The following CCDC125 variants were observed in gnomAD, a reference collection of about 807,000 sequenced individuals.
The protein encoded by CCDC125 is coiled-coil domain-containing protein 125.
CCDC125 carries 43 observed loss-of-function variants against 57.4 expected under a neutral mutation model. That is an observed-to-expected ratio of 0.75 (90% CI 0.59 to 0.97). The LOEUF is 0.97. Ranked by LOEUF, CCDC125 falls within the 50% of genes least tolerant of loss-of-function variation. The pLI, the probability that CCDC125 is intolerant of heterozygous loss-of-function variation, is 0.00. For synonymous variants in CCDC125, 187 were observed against 195.2 expected (o/e 0.96, Z 0.35); for missense variants, 563 against 595.7 (o/e 0.95, Z 0.57).
chr5:69,301,135 G>C (rs911798024), intron 7 of CCDC125, among the ~76,000 whole-genome samples: 3 of 150,114 alleles, frequency 2.0e-5, no homozygotes, highest in Non-Finnish European at 4.4e-5. Flanking sequence ...ACCATGCCTG[G>C]CTAATTTTTG....
At chr5:69,308,924 T>C (rs1419063670) in intron 4 of CCDC125, 2 of 154,308 alleles carry the variant, frequency 1.3e-5, no homozygotes, top group Admixed American at 1.3e-4. Context: ...AAGGTGACTC[T>C]TGTTATGTTT....
intron 1 of CCDC125, among the ~76,000 whole-genome samples, chr5:69,321,624 G>A (rs925010170): frequency 1.3e-5 from 2 of 152,112 alleles, no homozygotes; most frequent in African/African-American, 4.8e-5. Flanking sequence ...CATAGAAAAG[G>A]AACAGTAAAA....
chr5:69,315,350 G>A (rs1439749293), intron 2 of CCDC125, among the ~76,000 whole-genome samples: 1 of 149,088 alleles, frequency 6.7e-6, no homozygotes, highest in East Asian at 2.0e-4. Flanking sequence ...ATCACCTGAG[G>A]TCAGGAGTTT....
chr5:69,308,416 G>A (rs1425857379), intron 4 of CCDC125: 1 of 241,520 alleles, frequency 4.1e-6, no homozygotes, highest in Non-Finnish European at 8.3e-6. Context: ...CATGGGGGTG[G>A]TTTTCCCCAT....
chr5:69,283,170 AT>A, intron 11 of CCDC125, 136 bp from the exon 12 acceptor site: 1 of 635,596 alleles, frequency 1.6e-6, no homozygotes, highest in Non-Finnish European at 2.6e-6. Context: ...GTATGAATAA[AT>A]TAGGTATCAC....
intron 11 of CCDC125, among the ~76,000 whole-genome samples, chr5:69,284,530 G>A (rs1338424165): frequency 1.3e-5 from 2 of 152,104 alleles, no homozygotes; most frequent in Non-Finnish European, 2.9e-5. Flanking sequence ...AACTACAGGA[G>A]CCCCCTGTTT....
At chr5:69,326,817 AAAG>A (rs150770681) in intron 1 of CCDC125, among the ~76,000 whole-genome samples, 1,856 of 152,120 alleles carry the variant, frequency 0.012, 42 homozygotes, top group African/African-American at 0.043. Context: ...TTGTGAGGCC[AAAG>A]AAGGAGGACT....
intron 1 of CCDC125, among the ~76,000 whole-genome samples, chr5:69,331,476 C>A (rs1761416527): frequency 6.6e-6 from 1 of 151,950 alleles, no homozygotes; most frequent in African/African-American, 2.4e-5. Flanking sequence ...AGGAGATCTG[C>A]TCACCGGTCT....
At chr5:69,277,769 CA>C (rs200595059), downstream of CCDC125, among the ~76,000 whole-genome samples, 202 of 131,068 alleles carry the variant, frequency 1.5e-3, no homozygotes, top group East Asian at 1.4e-3. Flanking sequence ...GACACAGTCT[CA>C]AAAAAAAAAA....
chr5:69,315,816 A>G (rs891803169), intron 2 of CCDC125, among the ~76,000 whole-genome samples: 1 of 151,634 alleles, frequency 6.6e-6, no homozygotes, highest in Admixed American at 6.6e-5. Flanking sequence ...TTCTTTCCAA[A>G]AAGAATGACT....
At chr5:69,320,085 T>C (rs1759777905) in intron 2 of CCDC125, 152 bp downstream of exon 2, 2 of 751,716 alleles carry the variant, frequency 2.7e-6, no homozygotes, top group Admixed American at 2.7e-5. Context: ...CGCGTGCCAC[T>C]GCACTCCAGC....
At chr5:69,326,161 A>G (rs1760712579) in intron 1 of CCDC125, among the ~76,000 whole-genome samples, 1 of 152,186 alleles carries the variant, frequency 6.6e-6, no homozygotes, top group African/African-American at 2.4e-5. Flanking sequence ...TAATCCAGAT[A>G]TCTGATGTCA....
rs576811761 is a variant in CCDC125 at position 69,328,943 on chromosome 5, G to A, written c.-41+3706C>T. ...TGAGTAGCTGGGACTACAGGTGTCC[G>A]CCACCACGCCCGGCTAATTTTTTGT... On this transcript the variant is annotated intron_variant, in intron 1 of 11. Transcript: ENST00000396496. 1.1e-3 allele frequency among the ~76,000 whole-genome samples: 164 copies of A among 148,396 alleles called. 2 individuals are homozygous for A. Among genetic ancestry groups the A allele is most frequent in the Non-Finnish European group, 1.4e-3 (93 of 66,384 alleles).
intron 1 of CCDC125, among the ~76,000 whole-genome samples, chr5:69,325,921 G>A (rs1356153441): frequency 6.7e-6 from 1 of 149,920 alleles, no homozygotes; most frequent in African/African-American, 2.4e-5. Context: ...ACAGCTCACT[G>A]CAGCCTCGAC....
chr5:69,277,191 T>A, downstream of CCDC125: 1 of 1,321,742 alleles, frequency 7.6e-7, no homozygotes, highest in Non-Finnish European at 1.1e-6. Context: ...AGGCAAATAA[T>A]GGAAAAATAG....
At chr5:69,285,216 A>C in intron 11 of CCDC125, 121 bp downstream of exon 11, 1 of 823,620 alleles carries the variant, frequency 1.2e-6, no homozygotes, top group Non-Finnish European at 1.9e-6. Context: ...TGTTTTAAGA[A>C]AGTTTACGAA....
intron 1 of CCDC125, among the ~76,000 whole-genome samples, chr5:69,326,558 A>C (rs1210454336): frequency 1.3e-5 from 2 of 152,156 alleles, no homozygotes; most frequent in African/African-American, 4.8e-5. Context: ...GGCAGCAGAG[A>C]AGAAAATGGA....
At chr5:69,279,574 C>A (rs1752371217), downstream of CCDC125, among the ~76,000 whole-genome samples, 1 of 152,146 alleles carries the variant, frequency 6.6e-6, no homozygotes, top group African/African-American at 2.4e-5. Flanking sequence ...CAGGGCCTCT[C>A]TCAGCTTCTT....
intron 5 of CCDC125, 49 bp downstream of exon 5, chr5:69,307,902 T>C: frequency 1.4e-6 from 2 of 1,421,232 alleles, no homozygotes; most frequent in Non-Finnish European, 2.0e-6. Context: ...GGAAATTATA[T>C]TTAACAGCTT....
Sources: gnomAD v4.1 joint callset for allele counts (sites outside exome capture counted in the v4.1 genomes callset) on GRCh38, gnomAD v4.1.1 for gene constraint, MANE v1.5 for transcripts, NCBI Gene and HGNC (gene_info 2026-07-23, HGNC 2026-07-21) for gene names.